Variants in CXCL13 observed in about 807,000 individuals in gnomAD.
The protein encoded by CXCL13 is C-X-C motif chemokine 13.
CXCL13 carries 7 observed loss-of-function variants against 12.2 expected under a neutral mutation model. The observed-to-expected ratio is 0.57, with a 90% CI of 0.33 to 1.07. The LOEUF (loss-of-function observed/expected upper bound fraction) is 1.07, where lower values mean the gene tolerates loss of function less well. Ranked by LOEUF, CXCL13 falls within the 50% of genes least tolerant of loss-of-function variation. The probability of loss-of-function intolerance (pLI) is 0.04; values close to 1 mark genes in which losing one functional copy is unlikely to be tolerated. For missense variants in CXCL13, 113 were observed against 127.4 expected, an observed-to-expected ratio of 0.89 and a Z score of 0.55; for synonymous variants, 47 against 42.4, an observed-to-expected ratio of 1.11 and a Z score of -0.42.
chr4:77,559,656 C>T lies in CXCL13; in HGVS notation c.-42-46168C>T, dbSNP rs1303726807. Among the ~76,000 whole-genome samples the T allele has an allele frequency of 3.3e-5, 5 of 152,054 alleles. No homozygotes were observed. In the East Asian group the frequency reaches 9.6e-4, roughly 29 times the overall value. ...CTGACACTCTGGCCAGGCGCAGTGG[C>T]TCACACCTGTAATCCCAGTATTTTG... On this transcript the variant is annotated intron_variant, in intron 1 of 4. Transcript: ENST00000286758.
At chr4:77,516,218 T>C (rs1002327638) in intron 1 of CXCL13, among the ~76,000 whole-genome samples, 7 of 152,224 alleles carry the variant, frequency 4.6e-5, no homozygotes, top group African/African-American at 7.2e-5. Flanking sequence ...GCCAGTTTTT[T>C]ATTGAGGATT....
intron 1 of CXCL13, among the ~76,000 whole-genome samples, chr4:77,524,997 T>C (rs889463227): frequency 8.5e-5 from 13 of 152,226 alleles, no homozygotes; most frequent in African/African-American, 3.1e-4. Context: ...TAATCCCCAA[T>C]GCAACAGTGT....
intron 1 of CXCL13, among the ~76,000 whole-genome samples, chr4:77,545,162 G>C (rs889771221): frequency 6.6e-6 from 1 of 152,134 alleles, no homozygotes; most frequent in African/African-American, 2.4e-5. Flanking sequence ...TTGTAATATA[G>C]TTTGAAGTCA....
intron 1 of CXCL13, among the ~76,000 whole-genome samples, chr4:77,555,827 T>C (rs1482434071): frequency 6.6e-6 from 1 of 152,136 alleles, no homozygotes; most frequent in African/African-American, 2.4e-5. Flanking sequence ...ATTTGACATT[T>C]TAAAAAGATG....
At chr4:77,565,173 A>G (rs565323638) in intron 1 of CXCL13, among the ~76,000 whole-genome samples, 1 of 152,268 alleles carries the variant, frequency 6.6e-6, no homozygotes, top group African/African-American at 2.4e-5. Flanking sequence ...TTTCATCTGA[A>G]TATAGGGATT....
chr4:77,585,500 G>A (rs555549638), intron 1 of CXCL13, among the ~76,000 whole-genome samples: 38 of 152,234 alleles, frequency 2.5e-4, no homozygotes, highest in Non-Finnish European at 3.8e-4. Context: ...GCACAAAAAC[G>A]AGAACTAGCA....
chr4:77,549,990 G>T (rs1314336536), intron 1 of CXCL13, among the ~76,000 whole-genome samples: 4 of 152,206 alleles, frequency 2.6e-5, no homozygotes, highest in Non-Finnish European at 5.9e-5. Flanking sequence ...GCTGTGGTGG[G>T]CTCCACCCAG....
chr4:77,554,474 G>T (rs1725613327), intron 1 of CXCL13, among the ~76,000 whole-genome samples: 1 of 152,048 alleles, frequency 6.6e-6, no homozygotes, highest in Admixed American at 6.6e-5. Flanking sequence ...GCTGACAAAA[G>T]AGAAATAAGC....
intron 1 of CXCL13, among the ~76,000 whole-genome samples, chr4:77,513,208 G>A (rs183473516): frequency 9.2e-5 from 14 of 152,098 alleles, no homozygotes; most frequent in South Asian, 8.3e-4. Context: ...CATTTGGGTC[G>A]GTTCCAAGTC....
At chr4:77,528,882 G>T (rs567939915) in intron 1 of CXCL13, among the ~76,000 whole-genome samples, 1 of 152,246 alleles carries the variant, frequency 6.6e-6, no homozygotes, top group Admixed American at 6.5e-5. Flanking sequence ...GTATTGCCTA[G>T]GTTTTCTTCT....
intron 1 of CXCL13, among the ~76,000 whole-genome samples, chr4:77,529,515 C>T (rs1412756889): frequency 1.3e-5 from 2 of 152,122 alleles, no homozygotes; most frequent in South Asian, 2.1e-4. Context: ...AGTTGGATTG[C>T]TAGGTATTTT....
intron 1 of CXCL13, among the ~76,000 whole-genome samples, chr4:77,564,152 G>C (rs1725873945): frequency 6.6e-6 from 1 of 152,186 alleles, no homozygotes; most frequent in South Asian, 2.1e-4. Context: ...GAATTTTCAT[G>C]ATACAAGCAA....
At chr4:77,592,447 T>C (rs1726637337) in intron 1 of CXCL13, among the ~76,000 whole-genome samples, 1 of 152,040 alleles carries the variant, frequency 6.6e-6, no homozygotes, top group African/African-American at 2.4e-5. Context: ...GGGGAGATAT[T>C]GGTGAAAGGG....
chr4:77,607,026 C>A (rs1380787606), intron 1 of CXCL13, among the ~76,000 whole-genome samples: 1 of 152,088 alleles, frequency 6.6e-6, no homozygotes, highest in African/African-American at 2.4e-5. Context: ...AGACAGAGGA[C>A]CAACATATCA....
At chr4:77,570,099 CCTTACACCTT>C (rs1290701197) in intron 1 of CXCL13, among the ~76,000 whole-genome samples, 2 of 152,194 alleles carry the variant, frequency 1.3e-5, no homozygotes. Context: ...TGGACCCCTT[CCTTACACCTT>C]ATAAAAAAAC....
At chr4:77,547,687 A>G (rs1182353829) in intron 1 of CXCL13, among the ~76,000 whole-genome samples, 1 of 152,140 alleles carries the variant, frequency 6.6e-6, no homozygotes, top group Non-Finnish European at 1.5e-5. Context: ...CTCTTTATCC[A>G]ATTTGCCAGT....
intron 1 of CXCL13, among the ~76,000 whole-genome samples, chr4:77,583,737 A>T (rs1463314145): frequency 6.6e-6 from 1 of 152,206 alleles, no homozygotes; most frequent in Admixed American, 6.5e-5. Context: ...ACTGGCAGAG[A>T]AAGCTCTAGG....
intron 1 of CXCL13, among the ~76,000 whole-genome samples, chr4:77,567,869 A>G (rs1725976015): frequency 1.3e-5 from 2 of 152,218 alleles, no homozygotes; most frequent in African/African-American, 2.4e-5. Flanking sequence ...CTTGTTTAGC[A>G]TATGTTCAAA....
chr4:77,606,100 C>T (rs1169494950), intron 1 of CXCL13, among the ~76,000 whole-genome samples, 171 bp downstream of exon 1: 1 of 152,192 alleles, frequency 6.6e-6, no homozygotes, highest in Non-Finnish European at 1.5e-5. Flanking sequence ...CTCTTCAAAA[C>T]TGGAAGTATT....
Sources: gnomAD v4.1 joint callset for allele counts (sites outside exome capture counted in the v4.1 genomes callset) on GRCh38, gnomAD v4.1.1 for gene constraint, MANE v1.5 for transcripts, NCBI Gene and HGNC (gene_info 2026-07-23, HGNC 2026-07-21) for gene names.